The following SGIP1 variants were observed in gnomAD, a reference collection of about 807,000 sequenced individuals.
The protein encoded by SGIP1 is SH3-containing GRB2-like protein 3-interacting protein 1.
Under a neutral mutation model 107.5 loss-of-function variants are expected in SGIP1, and 38 were observed. That is an observed-to-expected ratio of 0.35 (90% CI 0.27 to 0.46). The LOEUF (loss-of-function observed/expected upper bound fraction) is 0.46. Ranked by LOEUF, SGIP1 falls within the 20% of genes least tolerant of loss-of-function variation. The pLI, the probability that SGIP1 is intolerant of heterozygous loss-of-function variation, is 1.00. For synonymous variants in SGIP1, 365 were observed against 366.1 expected (o/e 1.00, Z 0.03); for missense variants, 929 against 1,019.5 (o/e 0.91, Z 1.21).
At chr1:66,662,191 A>T (rs2149731604) in intron 8 of SGIP1, among the ~76,000 whole-genome samples, 1 of 152,360 alleles carries the variant, frequency 6.6e-6, no homozygotes, top group East Asian at 1.9e-4. Flanking sequence ...TAATAAATGT[A>T]GTGATCATAT....
At chr1:66,648,892 T>C (rs2078174487) in intron 7 of SGIP1, among the ~76,000 whole-genome samples, 1 of 152,186 alleles carries the variant, frequency 6.6e-6, no homozygotes, top group Non-Finnish European at 1.5e-5. Flanking sequence ...ACTGTTCTGA[T>C]CCTCCATTTC....
At chr1:66,586,999 T>G (rs1477897131) in intron 1 of SGIP1, among the ~76,000 whole-genome samples, 2 of 152,112 alleles carry the variant, frequency 1.3e-5, no homozygotes, top group East Asian at 3.8e-4. Flanking sequence ...GTCTTGGCAC[T>G]TAAAAGATAT....
At chr1:66,567,332 T>G (rs906645481) in intron 1 of SGIP1, among the ~76,000 whole-genome samples, 2 of 152,160 alleles carry the variant, frequency 1.3e-5, no homozygotes, top group African/African-American at 4.8e-5. Flanking sequence ...TTCATATCCT[T>G]TGCCCACTTT....
chr1:66,548,401 G>C (rs972225018), intron 1 of SGIP1, among the ~76,000 whole-genome samples: 2 of 152,050 alleles, frequency 1.3e-5, no homozygotes, highest in African/African-American at 4.8e-5. Flanking sequence ...ATTGAGGTCG[G>C]TAGGCTCAAA....
intron 1 of SGIP1, among the ~76,000 whole-genome samples, chr1:66,618,637 A>G (rs1378196225): frequency 6.6e-6 from 1 of 152,210 alleles, no homozygotes; most frequent in Non-Finnish European, 1.5e-5. Flanking sequence ...TAATCCAAAG[A>G]CAGGGAGTTA....
intron 1 of SGIP1, among the ~76,000 whole-genome samples, chr1:66,563,041 A>T (rs1468977893): frequency 6.6e-6 from 1 of 152,044 alleles, no homozygotes; most frequent in East Asian, 1.9e-4. Flanking sequence ...GAAGAAAAAA[A>T]CAGGGAGGCA....
intron 18 of SGIP1, among the ~76,000 whole-genome samples, chr1:66,703,544 T>C (rs554169824): frequency 2.7e-5 from 4 of 150,372 alleles, no homozygotes; most frequent in South Asian, 4.2e-4. Flanking sequence ...CACACACACA[T>C]ATAGAGATAA....
At chr1:66,698,929 A>T (rs78667644) in intron 18 of SGIP1, among the ~76,000 whole-genome samples, 1,657 of 151,730 alleles carry the variant, frequency 0.011, 29 homozygotes, top group African/African-American at 0.038. Context: ...CAAACAAAAA[A>T]TCTGCTACCT....
chr1:66,602,840 T>G (rs1038077572), intron 1 of SGIP1, among the ~76,000 whole-genome samples: 1 of 152,152 alleles, frequency 6.6e-6, no homozygotes, highest in East Asian at 1.9e-4. Context: ...ATTTAGCTCA[T>G]GGCAATACCA....
chr1:66,654,851 C>CT (rs1382345840), intron 7 of SGIP1, among the ~76,000 whole-genome samples: 1 of 152,208 alleles, frequency 6.6e-6, no homozygotes, highest in African/African-American at 2.4e-5. Context: ...GCCTGCCAGC[C>CT]AAGCTGCCTG....
At chr1:66,717,072 A>G (rs1309094464) in intron 18 of SGIP1, among the ~76,000 whole-genome samples, 6 of 152,150 alleles carry the variant, frequency 3.9e-5, no homozygotes, top group African/African-American at 1.2e-4. Context: ...CCTGACCTAT[A>G]CAAGCATCAT....
chr1:66,574,112 G>A (rs4655626), intron 1 of SGIP1, among the ~76,000 whole-genome samples: 26,090 of 151,926 alleles, frequency 0.17, 2,674 homozygotes, highest in East Asian at 0.45. Context: ...AGCCTCCCAC[G>A]CAGTCATTCA....
intron 7 of SGIP1, among the ~76,000 whole-genome samples, chr1:66,652,736 C>T (rs2079005053): frequency 6.6e-6 from 1 of 151,938 alleles, no homozygotes; most frequent in South Asian, 2.1e-4. Context: ...GGTTCAGCAC[C>T]CCATTGAGTT....
chr1:66,649,726 ACACACACACATG>A (rs1276978651), intron 7 of SGIP1, among the ~76,000 whole-genome samples: 4 of 141,948 alleles, frequency 2.8e-5, no homozygotes, highest in Non-Finnish European at 6.0e-5. Context: ...ATATGACTTC[ACACACACACATG>A]CACACACACA....
In SGIP1 at chr1:66,694,449, C is replaced by T. The variant is rs371206061; in HGVS notation, c.1571-985C>T. On this transcript the variant is annotated intron_variant, in intron 17 of 24. Coordinates refer to ENST00000371037, the MANE Select transcript of SGIP1 (RefSeq NM_032291.4). ...TTCTTTGGTTCGTAGTGTCAGAAGA[C>T]GATGTTTTTTATGACAAACTGCCCT... 91 of 1,607,158 alleles carry T rather than the reference C, an allele frequency of 5.7e-5. No individual in the cohort carries two copies. In the East Asian group the frequency reaches 1.1e-3, roughly 19 times the overall value.
intron 19 of SGIP1, among the ~76,000 whole-genome samples, chr1:66,721,435 G>A (rs1037317247): frequency 2.6e-5 from 4 of 152,186 alleles, no homozygotes; most frequent in African/African-American, 7.2e-5. Context: ...TTGAGATGGG[G>A]TCTCACTTTT....
intron 2 of SGIP1, among the ~76,000 whole-genome samples, chr1:66,629,293 T>C (rs906122233): frequency 6.6e-6 from 1 of 152,088 alleles, no homozygotes; most frequent in African/African-American, 2.4e-5. Context: ...CAGCAGCTGA[T>C]AGAGGAAGGG....
At chr1:66,698,255 G>A (rs1476344533) in intron 18 of SGIP1, among the ~76,000 whole-genome samples, 4 of 152,034 alleles carry the variant, frequency 2.6e-5, no homozygotes, top group Non-Finnish European at 4.4e-5. Flanking sequence ...TCTAATTCTC[G>A]AGTCCCAGTG....
intron 1 of SGIP1, among the ~76,000 whole-genome samples, chr1:66,608,767 G>C (rs947817389): frequency 1.3e-5 from 2 of 152,184 alleles, no homozygotes; most frequent in African/African-American, 4.8e-5. Context: ...AACGGGAGGA[G>C]GCACTGAGTG....
Sources: gnomAD v4.1 joint callset for allele counts (sites outside exome capture counted in the v4.1 genomes callset) on GRCh38, gnomAD v4.1.1 for gene constraint, MANE v1.5 for transcripts, NCBI Gene and HGNC (gene_info 2026-07-23, HGNC 2026-07-21) for gene names.